Variants in TARS1 observed in about 807,000 individuals in gnomAD.
The protein encoded by TARS1 is threonyl-tRNA synthetase 1, also known as threonine--tRNA ligase 1, cytoplasmic.
A neutral mutation model predicts 97.7 loss-of-function variants in TARS1; 57 were observed. The ratio of observed to expected loss-of-function variants is 0.58; its 90% CI spans 0.47 to 0.73. The LOEUF is 0.73. Among genes scored for constraint, TARS1 ranks in the 30% least tolerant of loss-of-function variants. TARS1 has a pLI of 0.00. For missense variants in TARS1, 806 were observed against 888.3 expected (o/e 0.91, Z 1.18); for synonymous variants, 312 against 293.7 (o/e 1.06, Z -0.64).
At chr5:33,463,366 G>A (rs1345279849) in intron 16 of TARS1, among the ~76,000 whole-genome samples, 1 of 152,160 alleles carries the variant, frequency 6.6e-6, no homozygotes, top group Non-Finnish European at 1.5e-5. Context: ...GTGTCCCCGT[G>A]AAGAATAAGT....
At chr5:33,446,746 G>A (rs965009894) in intron 2 of TARS1, 19 of 1,288,972 alleles carry the variant, frequency 1.5e-5, no homozygotes, top group Non-Finnish European at 1.8e-5. Context: ...CTGCAGTTAA[G>A]ATACAGAGGG....
At chr5:33,441,241 G>A in intron 1 of TARS1, 98 bp downstream of exon 1, 2 of 1,473,546 alleles carry the variant, frequency 1.4e-6, no homozygotes, top group South Asian at 1.1e-5. Context: ...GCAGGAAGCG[G>A]CCGGGACCGC....
chr5:33,459,616 ATCAC>A (rs970562117), intron 10 of TARS1, 75 bp from the exon 11 acceptor site: 19 of 1,504,888 alleles, frequency 1.3e-5, no homozygotes, highest in Non-Finnish European at 1.7e-5. Context: ...AGAGTATAAA[ATCAC>A]TCTTTAAGTT....
chr5:33,445,454 CA>C, intron 2 of TARS1, 50 bp downstream of exon 2: 1 of 1,537,664 alleles, frequency 6.5e-7, no homozygotes. Flanking sequence ...TGGCAAATCG[CA>C]GGGAACTTTC....
intron 3 of TARS1, chr5:33,452,270 T>C (rs1180876737): frequency 8.3e-7 from 1 of 1,203,920 alleles, no homozygotes; most frequent in South Asian, 1.3e-5. Flanking sequence ...GTCCAGGCTG[T>C]TATAGACTAT....
In TARS1 at chr5:33,448,616, C is replaced by G. The variant is rs376476835; in HGVS notation, c.214C>G (p.Leu72Val). 7.7e-5 allele frequency: 124 copies of G among 1,613,724 alleles called. No individual in the cohort carries two copies. The highest frequency in any genetic ancestry group is 1.0e-4 in the Non-Finnish European group (123 of 1,179,906). Residue 72 changes from leucine (L) to valine (V), a missense_variant, in exon 3 of 19, where the codon CTG becomes GTG. Physicochemically the swap from Leu to Val is conservative, Grantham distance 32. Around this residue, in one of 3 missense-constraint regions of TARS1, gnomAD observed 356 missense variants for 357.8 expected, o/e 0.99. Transcript: ENST00000265112. ...ACTAAAAGCAGAACATGATTCCATT[C>G]TGGCAGAAAAGGCAGAAAAAGATAG... Reference protein sequence around the residue: ...NILKAEHDSILAEKAEKDSKP... With the variant: ...NILKAEHDSIVAEKAEKDSKP...
chr5:33,448,760 A>G (rs1192050328), intron 3 of TARS1, 29 bp downstream of exon 3: 5 of 1,516,606 alleles, frequency 3.3e-6, no homozygotes, highest in Non-Finnish European at 2.7e-6. Context: ...ATGACCTTCC[A>G]TAGTTTGTGG....
chr5:33,440,944 G>A (rs914957427), upstream of TARS1: 4 of 886,182 alleles, frequency 4.5e-6, no homozygotes, highest in Non-Finnish European at 5.2e-6. Flanking sequence ...GCAAGTTGGG[G>A]GCGGGGTTAG....
chr5:33,462,567 C>T (rs1439988347), intron 16 of TARS1, among the ~76,000 whole-genome samples: 1 of 152,134 alleles, frequency 6.6e-6, no homozygotes, highest in African/African-American at 2.4e-5. Context: ...AATGAGGAGG[C>T]TTATGGCTTT....
chr5:33,464,333 G>C (rs1360830750), intron 17 of TARS1, among the ~76,000 whole-genome samples: 1 of 152,030 alleles, frequency 6.6e-6, no homozygotes, highest in Non-Finnish European at 1.5e-5. Flanking sequence ...CTTTGACTCA[G>C]TGAGTAATTT....
chr5:33,461,364 C>T, intron 13 of TARS1, 69 bp downstream of exon 13: 3 of 1,544,042 alleles, frequency 1.9e-6, no homozygotes, highest in Non-Finnish European at 2.6e-6. Context: ...TGTAAGAAAG[C>T]CAAGCCTCTT....
chr5:33,464,988 C>G (rs181950212), intron 17 of TARS1, among the ~76,000 whole-genome samples: 2 of 152,232 alleles, frequency 1.3e-5, no homozygotes, highest in African/African-American at 4.8e-5. Flanking sequence ...ATGGAATGAA[C>G]CCAGGAGGCG....
chr5:33,462,318 T>C (rs1242040060), intron 16 of TARS1, 115 bp downstream of exon 16: 9 of 941,586 alleles, frequency 9.6e-6, no homozygotes, highest in Non-Finnish European at 9.8e-6. Flanking sequence ...CGGTTGCTTC[T>C]AACTAACGAC....
In TARS1 at chr5:33,459,902, G is replaced by A. The variant is rs1325583512; in HGVS notation, c.1250+41G>A. 6 of 1,586,328 alleles carry A rather than the reference G, an allele frequency of 3.8e-6. No individual in the cohort carries two copies. In the South Asian group the frequency reaches 6.8e-5, roughly 18 times the overall value. On this transcript the variant is annotated intron_variant, in intron 11 of 18. Coordinates refer to ENST00000265112, the MANE Select transcript of TARS1 (RefSeq NM_152295.5). ...GAATTTCTACTGAAGATTTTCACAT[G>A]CTACAATTCATCCTGGGTTCTTCCC...
rs760346763 is a variant in TARS1 at position 33,466,843 on chromosome 5, G to A, written c.1909-28G>A. The A allele has an allele frequency of 4.0e-6, 6 of 1,511,814 alleles. No individual in the cohort carries two copies. The African/African-American group carries it at 8.4e-5, about 21-fold the overall frequency. 93.6% of individuals were successfully genotyped at this position (1,511,814 alleles called of 1,614,324 possible). ...AAAATATAATTCTGATTTTAGATCT[G>A]ACAAATTCTGTATCTCTGTTACAAT... On this transcript the variant is annotated intron_variant, in intron 17 of 18. Transcript: ENST00000265112.
chr5:33,455,103 T>C, intron 5 of TARS1, 37 bp downstream of exon 5: 1 of 1,610,342 alleles, frequency 6.2e-7, no homozygotes, highest in Non-Finnish European at 8.5e-7. Flanking sequence ...CTGAAGTCAA[T>C]GACTATGGAT....
rs1741545793 is a variant in TARS1 at position 33,448,668 on chromosome 5, A to G, written c.266A>G (p.Asp89Gly). 6.2e-7 allele frequency: 1 copy of G among 1,613,820 alleles called. No individual in the cohort carries two copies. The highest frequency in any genetic ancestry group is 2.2e-5 in the East Asian group (1 of 44,840). Reference protein sequence around the residue: ...DSKPIKVTLPDGKQVDAESWK... With the variant: ...DSKPIKVTLPGGKQVDAESWK... ...AAGCCAATTAAAGTCACTTTGCCTG[A>G]TGGTAAACAGGTTGATGCGGAATCT... The change falls in exon 3 of 19, where the codon GAT (aspartate) becomes GGT (glycine). Residue 89 changes from aspartate (D) to glycine (G), a missense_variant. Asp to Gly is a moderately conservative substitution (Grantham distance 94). This residue lies in a region of TARS1 where 356 missense variants were observed against 357.8 expected (regional missense o/e 0.99). Coordinates refer to ENST00000265112, the MANE Select transcript of TARS1 (RefSeq NM_152295.5).
At chr5:33,449,515 G>T (rs987083523) in intron 3 of TARS1, among the ~76,000 whole-genome samples, 1 of 140,350 alleles carries the variant, frequency 7.1e-6, no homozygotes, top group African/African-American at 2.7e-5. Flanking sequence ...GAGTGCAGTG[G>T]CGCGATCTTG....
intron 1 of TARS1, among the ~76,000 whole-genome samples, chr5:33,442,927 C>G (rs1031556651): frequency 1.3e-5 from 2 of 152,086 alleles, no homozygotes; most frequent in African/African-American, 4.8e-5. Context: ...TTTCCTTCCT[C>G]AAACCCAGTA....
Sources: gnomAD v4.1 joint callset for allele counts (sites outside exome capture counted in the v4.1 genomes callset) on GRCh38, gnomAD v4.1.1 for gene constraint, gnomAD v4.1.1 regional missense constraint, MANE v1.5 for transcripts, NCBI Gene and HGNC (gene_info 2026-07-23, HGNC 2026-07-21) for gene names.